PDZRN3: variants seen among roughly 807,000 people sequenced by gnomAD.
The protein encoded by PDZRN3 is E3 ubiquitin-protein ligase PDZRN3.
In PDZRN3, 38 loss-of-function variants were observed where a neutral mutation model predicts 85.7. That is an observed-to-expected ratio of 0.44 (90% confidence interval 0.34 to 0.58). The LOEUF is 0.58. Ranked by LOEUF, PDZRN3 falls within the 20% of genes least tolerant of loss-of-function variation. PDZRN3 has a pLI of 0.01. For synonymous variants in PDZRN3, 759 were observed against 638.0 expected, an observed-to-expected ratio of 1.19 and a Z score of -2.86; for missense variants, 1,629 against 1,506.4, an observed-to-expected ratio of 1.08 and a Z score of -1.35.
intron 1 of PDZRN3, among the ~76,000 whole-genome samples, chr3:73,614,821 G>A (rs115601412): frequency 0.011 from 1,695 of 152,252 alleles, 28 homozygotes; most frequent in African/African-American, 0.039. Context: ...TGTCCTCTTT[G>A]TAGTTAAAAC....
At chr3:73,567,569 AG>A (rs1219604002) in intron 3 of PDZRN3, among the ~76,000 whole-genome samples, 3 of 151,984 alleles carry the variant, frequency 2.0e-5, no homozygotes, top group East Asian at 1.9e-4. Flanking sequence ...CCACTGAATT[AG>A]AAAAAACTCC....
intron 3 of PDZRN3, among the ~76,000 whole-genome samples, chr3:73,505,105 G>C (rs1704047231): frequency 6.6e-6 from 1 of 152,156 alleles, no homozygotes; most frequent in Admixed American, 6.5e-5. Context: ...ACCCATGGGA[G>C]GTGGCTTGGA....
intron 3 of PDZRN3, among the ~76,000 whole-genome samples, chr3:73,514,640 G>A (rs756715270): frequency 7.2e-5 from 11 of 152,200 alleles, no homozygotes; most frequent in South Asian, 2.1e-4. Flanking sequence ...CCTAGCCAAC[G>A]GTTGAGGGCT....
intron 3 of PDZRN3, among the ~76,000 whole-genome samples, chr3:73,559,405 TGA>T (rs1169987810): frequency 6.7e-6 from 1 of 149,140 alleles, no homozygotes; most frequent in Non-Finnish European, 1.5e-5. Context: ...TGACGTTAAA[TGA>T]GGTCTAATCT....
Position 73,383,821 on chromosome 3 carries a change from C to A in PDZRN3, c.2745G>T (p.Ser915=), listed in dbSNP as rs778810329. 6.2e-7 allele frequency: 1 copy of A among 1,613,432 alleles called. No homozygotes were observed. Among genetic ancestry groups the A allele is most frequent in the Non-Finnish European group, 8.5e-7 (1 of 1,179,790 alleles). Residue 915 remains serine (S), a synonymous_variant, in exon 10 of 10, where the codon TCG becomes TCT. Transcript: ENST00000263666. ...MCKDLSSPTP[S]EPRMEWKVKI... ...TCACCTTCCACTCCATGCGCGGCTC[C>A]GACGGGGTGGGAGAGCTCAGGTCCT...
At chr3:73,426,420 C>T (rs751747667) in intron 3 of PDZRN3, among the ~76,000 whole-genome samples, 3 of 152,088 alleles carry the variant, frequency 2.0e-5, no homozygotes, top group Non-Finnish European at 2.9e-5. Flanking sequence ...TTTATATATT[C>T]TCTCTCCTTT....
intron 3 of PDZRN3, among the ~76,000 whole-genome samples, chr3:73,410,196 TTTTTTTCA>T (rs1315269029): frequency 1.3e-5 from 2 of 152,188 alleles, no homozygotes; most frequent in Non-Finnish European, 2.9e-5. Context: ...AAAAAAAGTC[TTTTTTTCA>T]TTTAGGCAAC....
At chr3:73,523,516 T>C (rs1299015630) in intron 3 of PDZRN3, among the ~76,000 whole-genome samples, 3 of 151,972 alleles carry the variant, frequency 2.0e-5, no homozygotes, top group Admixed American at 1.3e-4. Flanking sequence ...TTTATGCATA[T>C]AAAATATCAA....
chr3:73,496,844 C>A (rs1315827060), intron 3 of PDZRN3, among the ~76,000 whole-genome samples: 2 of 152,186 alleles, frequency 1.3e-5, no homozygotes, highest in Admixed American at 1.3e-4. Flanking sequence ...CAATAGCTCG[C>A]TGACCATTAC....
intron 3 of PDZRN3, among the ~76,000 whole-genome samples, chr3:73,445,543 C>CTTTCCTATAAAGTAAAT (rs1702730051): frequency 6.6e-6 from 1 of 152,180 alleles, no homozygotes; most frequent in African/African-American, 2.4e-5. Flanking sequence ...AAATTACTTA[C>CTTTCCTATAAAGTAAAT]CAAGCCTCTA....
At position 73,391,072 on chromosome 3, in the gene PDZRN3, G is replaced by A. The variant is rs1200758665; in HGVS notation, c.1299C>T (p.Leu433=). Residue 433 remains leucine, a synonymous_variant, in exon 6 of 10, where the codon CTC becomes CTT. Transcript: ENST00000263666. ...CATCGTCCGTCCGGTAGCACACAGT[G>A]AGGCCCAGCTTGTCCTGGCTGTTCA... is the stretch of plus-strand genomic sequence containing the variant. ...YRMNSQDKLG[L]TVCYRTDDED... 6.2e-7 allele frequency: 1 copy of A among 1,613,976 alleles called. No homozygotes were observed. Among genetic ancestry groups the A allele is most frequent in the East Asian group, 2.2e-5 (1 of 44,884 alleles).
intron 3 of PDZRN3, among the ~76,000 whole-genome samples, chr3:73,432,284 T>C (rs1472512487): frequency 6.6e-6 from 1 of 152,020 alleles, no homozygotes; most frequent in African/African-American, 2.4e-5. Flanking sequence ...AGATCGCCAG[T>C]GGTGAAAGCG....
chr3:73,453,867 G>T (rs1002713087), intron 3 of PDZRN3, among the ~76,000 whole-genome samples: 1 of 152,064 alleles, frequency 6.6e-6, no homozygotes, highest in African/African-American at 2.4e-5. Flanking sequence ...TGTATTCAGT[G>T]CCTCTTATCC....
intron 3 of PDZRN3, among the ~76,000 whole-genome samples, chr3:73,418,247 C>A (rs1424310641): frequency 6.6e-6 from 1 of 152,118 alleles, no homozygotes; most frequent in African/African-American, 2.4e-5. Context: ...CTTAGCCGCA[C>A]AGAACACCTG....
chr3:73,413,866 A>C (rs1702023812), intron 3 of PDZRN3, among the ~76,000 whole-genome samples: 1 of 152,116 alleles, frequency 6.6e-6, no homozygotes, highest in Admixed American at 6.5e-5. Flanking sequence ...TACCCTGAGA[A>C]CCAAGTCAGC....
intron 3 of PDZRN3, among the ~76,000 whole-genome samples, chr3:73,567,262 A>G (rs561251160): frequency 6.6e-6 from 1 of 152,328 alleles, no homozygotes; most frequent in African/African-American, 2.4e-5. Flanking sequence ...CACATCGAGC[A>G]GACAATGCCT....
chr3:73,550,090 A>AGCACAGGAAATCCTGTCT (rs1701517517), intron 3 of PDZRN3, among the ~76,000 whole-genome samples: 1 of 152,208 alleles, frequency 6.6e-6, no homozygotes, highest in African/African-American at 2.4e-5. Context: ...TTTACTTAAA[A>AGCACAGGAAATCCTGTCT]GCACAGGAAA....
At chr3:73,525,852 G>A (rs1012090516) in intron 3 of PDZRN3, among the ~76,000 whole-genome samples, 1 of 152,170 alleles carries the variant, frequency 6.6e-6, no homozygotes, top group African/African-American at 2.4e-5. Flanking sequence ...ATCTCACTCT[G>A]TCCCTTTCCT....
chr3:73,407,605 G>C (rs1025893554), intron 3 of PDZRN3, among the ~76,000 whole-genome samples: 1 of 152,144 alleles, frequency 6.6e-6, no homozygotes, highest in African/African-American at 2.4e-5. Flanking sequence ...AAAATAATTA[G>C]TGAAAATCCT....
Sources: gnomAD v4.1 joint callset for allele counts (sites outside exome capture counted in the v4.1 genomes callset) on GRCh38, gnomAD v4.1.1 for gene constraint, MANE v1.5 for transcripts, NCBI Gene and HGNC (gene_info 2026-07-23, HGNC 2026-07-21) for gene names.